PPM1E: variants seen among roughly 807,000 people sequenced by gnomAD.
PPM1E encodes the protein protein phosphatase, Mg2+/Mn2+ dependent 1E.
A neutral mutation model predicts 65.9 loss-of-function variants in PPM1E; 20 were observed. The observed-to-expected ratio is 0.30, with a 90% confidence interval of 0.21 to 0.44. PPM1E has a LOEUF of 0.44. Among genes scored for constraint, PPM1E ranks in the 20% least tolerant of loss-of-function variants. The probability of loss-of-function intolerance (pLI) is 1.00; values close to 1 mark genes in which losing one functional copy is unlikely to be tolerated. For missense variants in PPM1E, 713 were observed against 953.1 expected, an observed-to-expected ratio of 0.75 and a Z score of 3.32; for synonymous variants, 352 against 374.9, an observed-to-expected ratio of 0.94 and a Z score of 0.70.
At chr17:58,849,559 A>C (rs1281918300) in intron 1 of PPM1E, among the ~76,000 whole-genome samples, 7 of 152,194 alleles carry the variant, frequency 4.6e-5, no homozygotes, top group African/African-American at 2.4e-5. Flanking sequence ...CAGGTTGTTC[A>C]GTTTCCATGT....
intron 1 of PPM1E, among the ~76,000 whole-genome samples, chr17:58,952,797 C>T (rs1342790310): frequency 6.6e-6 from 1 of 152,146 alleles, no homozygotes; most frequent in Non-Finnish European, 1.5e-5. Context: ...CCTCAGCCTC[C>T]CTAGTAGCTG....
At chr17:58,912,825 T>G (rs544550122) in intron 1 of PPM1E, among the ~76,000 whole-genome samples, 49 of 152,212 alleles carry the variant, frequency 3.2e-4, no homozygotes, top group African/African-American at 1.2e-3. Flanking sequence ...GAAGGTTGAG[T>G]TGGTAACCAG....
intron 1 of PPM1E, among the ~76,000 whole-genome samples, chr17:58,941,727 G>A (rs560700688): frequency 2.7e-5 from 4 of 146,944 alleles, no homozygotes; most frequent in African/African-American, 7.5e-5. Flanking sequence ...GTCATAGGCC[G>A]GGCATGGTGG....
intron 1 of PPM1E, among the ~76,000 whole-genome samples, chr17:58,803,773 GT>G (rs2050280407): frequency 6.6e-6 from 1 of 152,198 alleles, no homozygotes; most frequent in African/African-American, 2.4e-5. Flanking sequence ...TCCTAGATCA[GT>G]GTGTTCTGCT....
At chr17:58,897,330 C>T (rs1045414782) in intron 1 of PPM1E, among the ~76,000 whole-genome samples, 4 of 151,416 alleles carry the variant, frequency 2.6e-5, no homozygotes, top group Non-Finnish European at 5.9e-5. Flanking sequence ...AGGAGAATGG[C>T]GTGAACCTGG....
At chr17:58,841,171 G>A (rs966496621) in intron 1 of PPM1E, among the ~76,000 whole-genome samples, 3 of 152,166 alleles carry the variant, frequency 2.0e-5, no homozygotes, top group Non-Finnish European at 4.4e-5. Context: ...TTAATAAATG[G>A]AAGTGAATAG....
intron 1 of PPM1E, among the ~76,000 whole-genome samples, chr17:58,782,600 C>A (rs200614641): frequency 6.7e-6 from 1 of 150,104 alleles, no homozygotes; most frequent in South Asian, 2.1e-4. Flanking sequence ...TTAATAGAGA[C>A]GGGGTTTCAC....
At chr17:58,969,887 C>T (rs1222203984) in intron 4 of PPM1E, among the ~76,000 whole-genome samples, 160 bp downstream of exon 4, 1 of 152,140 alleles carries the variant, frequency 6.6e-6, no homozygotes, top group Non-Finnish European at 1.5e-5. Flanking sequence ...TTCCAATTCC[C>T]TCCTCAGGAA....
In PPM1E at chr17:58,756,297, G is replaced by A. The variant is rs770593908; in HGVS notation, c.300G>A (p.Glu100=). Residue 100 remains glutamate, a synonymous_variant, in exon 1 of 7, where the codon GAG becomes GAA. Transcript: ENST00000308249. Reference sequence around the variant, plus strand: ...CGGTTGAGGGTGAGGAGGAGGAGGAGGGCGCGGCGACGGCGGCGGCAGCCC... The same window carrying A: ...CGGTTGAGGGTGAGGAGGAGGAGGAAGGCGCGGCGACGGCGGCGGCAGCCC... ...EAAVEGEEEE[E]GAATAAAAPG... 9.2e-6 allele frequency: 14 copies of A among 1,520,292 alleles called. No individual in the cohort carries two copies. In the South Asian group the frequency reaches 1.6e-4, roughly 18 times the overall value. 94.2% of individuals were successfully genotyped at this position (1,520,292 alleles called of 1,614,324 possible).
intron 1 of PPM1E, among the ~76,000 whole-genome samples, chr17:58,789,734 A>G (rs1307997889): frequency 2.0e-5 from 1 of 50,572 alleles, no homozygotes; most frequent in Non-Finnish European, 3.6e-5. Flanking sequence ...CACATCTGAG[A>G]GTCATTTATA....
At chr17:58,805,974 C>CAAAAAAA (rs1341289870) in intron 1 of PPM1E, among the ~76,000 whole-genome samples, 1 of 74,022 alleles carries the variant, frequency 1.4e-5, no homozygotes, top group African/African-American at 5.9e-5. Context: ...AAAAAAAAAA[C>CAAAAAAA]AAAAAAAAAA....
intron 1 of PPM1E, among the ~76,000 whole-genome samples, chr17:58,765,184 T>C (rs889829718): frequency 1.3e-5 from 2 of 149,410 alleles, no homozygotes; most frequent in Non-Finnish European, 3.0e-5. Context: ...TCTTTCTTTT[T>C]TTTTTTTTTT....
At chr17:58,810,306 A>C (rs2050354028) in intron 1 of PPM1E, among the ~76,000 whole-genome samples, 1 of 152,054 alleles carries the variant, frequency 6.6e-6, no homozygotes, top group African/African-American at 2.4e-5. Context: ...CTCTGGGTTC[A>C]AGTGATTCTC....
At chr17:58,871,747 T>C (rs573664689) in intron 1 of PPM1E, among the ~76,000 whole-genome samples, 5 of 151,400 alleles carry the variant, frequency 3.3e-5, no homozygotes, top group Admixed American at 2.6e-4. Context: ...ACCTCGGAAG[T>C]TGAGGCTTCA....
intron 1 of PPM1E, among the ~76,000 whole-genome samples, chr17:58,865,639 G>T (rs2050994374): frequency 6.6e-6 from 1 of 152,198 alleles, no homozygotes; most frequent in African/African-American, 2.4e-5. Flanking sequence ...GGTTGAGGCT[G>T]CAGTGAGCCA....
intron 1 of PPM1E, among the ~76,000 whole-genome samples, chr17:58,898,297 T>TA (rs1445397580): frequency 6.7e-6 from 1 of 150,358 alleles, no homozygotes; most frequent in African/African-American, 2.4e-5. Flanking sequence ...ACAAAGAACT[T>TA]AAACAAATTT....
At chr17:58,823,890 CCG>C (rs2050505484) in intron 1 of PPM1E, among the ~76,000 whole-genome samples, 2 of 151,966 alleles carry the variant, frequency 1.3e-5, no homozygotes, top group South Asian at 4.1e-4. Context: ...GCCACCACAC[CCG>C]GCTAATTTTT....
At chr17:58,782,876 T>C (rs1257690121) in intron 1 of PPM1E, among the ~76,000 whole-genome samples, 1 of 152,054 alleles carries the variant, frequency 6.6e-6, no homozygotes, top group Non-Finnish European at 1.5e-5. Context: ...ATATGGAAAA[T>C]GTATGCTTTT....
At chr17:58,872,821 ATACAAGGT>A (rs1598621668) in intron 1 of PPM1E, among the ~76,000 whole-genome samples, 1 of 145,698 alleles carries the variant, frequency 6.9e-6, no homozygotes, top group East Asian at 2.0e-4. Context: ...ACATTTTTCC[ATACAAGGT>A]CAGTCCATAT....
Sources: allele counts gnomAD v4.1 joint callset (sites outside exome capture counted in the v4.1 genomes callset), GRCh38; gene constraint gnomAD v4.1.1; transcripts MANE v1.5; gene names NCBI Gene and HGNC (gene_info 2026-07-23, HGNC 2026-07-21).